The following SNTG1 variants were observed in gnomAD, a reference collection of about 807,000 sequenced individuals.
SNTG1 encodes the protein syntrophin gamma 1, also known as gamma-1-syntrophin.
SNTG1 carries 39 observed loss-of-function variants against 74.7 expected under a neutral mutation model. The observed-to-expected ratio is 0.52, with a 90% CI of 0.40 to 0.68. The LOEUF (loss-of-function observed/expected upper bound fraction) is 0.68, where lower values mean the gene tolerates loss of function less well. SNTG1 is among the 30% of genes least tolerant of loss of function. SNTG1 has a pLI of 0.00. For missense variants in SNTG1, 685 were observed against 609.5 expected (o/e 1.12, Z -1.30); for synonymous variants, 254 against 217.1 (o/e 1.17, Z -1.49).
intron 2 of SNTG1, among the ~76,000 whole-genome samples, chr8:50,222,310 C>T (rs1163957106): frequency 6.6e-6 from 1 of 152,180 alleles, no homozygotes; most frequent in Admixed American, 6.5e-5. Flanking sequence ...GGGCTACTAT[C>T]ATTTAAACTA....
At chr8:50,492,850 G>C (rs1587813290) in intron 8 of SNTG1, among the ~76,000 whole-genome samples, 1 of 152,146 alleles carries the variant, frequency 6.6e-6, no homozygotes, top group East Asian at 1.9e-4. Context: ...TCCTTCTAGA[G>C]TTTTTATGGT....
intron 18 of SNTG1, among the ~76,000 whole-genome samples, chr8:50,753,231 C>G (rs1244280100): frequency 6.6e-6 from 1 of 151,952 alleles, no homozygotes; most frequent in Non-Finnish European, 1.5e-5. Context: ...GCTACTGCTC[C>G]TCTTCTCCCA....
At chr8:50,195,929 C>T (rs1192116390) in intron 2 of SNTG1, among the ~76,000 whole-genome samples, 3 of 152,214 alleles carry the variant, frequency 2.0e-5, no homozygotes, top group Admixed American at 6.5e-5. Flanking sequence ...TGCAACTAGT[C>T]CTGCCTCCGG....
In SNTG1 at chr8:50,054,468, G is replaced by A. The variant is rs77080045; in HGVS notation, c.-102-118093G>A. Among the ~76,000 whole-genome samples, 782 of 151,972 alleles carry A rather than the reference G, an allele frequency of 5.1e-3. 15 individuals are homozygous for A. The highest frequency in any genetic ancestry group is 0.018 in the African/African-American group (758 of 41,456). On this transcript the variant is annotated intron_variant, in intron 1 of 18. Coordinates refer to ENST00000642720, the MANE Select transcript of SNTG1 (RefSeq NM_018967.5). ...ATCTGTTACTGCTATCCTTGGCCAAGGTATCATCTTTTCATACTTATATTA... is the reference window on the plus strand; with the variant it reads ...ATCTGTTACTGCTATCCTTGGCCAAAGTATCATCTTTTCATACTTATATTA...
chr8:50,776,849 C>T (rs534505612), intron 18 of SNTG1, among the ~76,000 whole-genome samples: 5 of 151,874 alleles, frequency 3.3e-5, no homozygotes, highest in Admixed American at 1.3e-4. Flanking sequence ...CACTATTTTG[C>T]TGGATATAGG....
rs1014937425 is a variant in SNTG1 at position 50,402,478 on chromosome 8, A to T, written c.162+134A>T. 4 of 1,093,182 alleles carry T rather than the reference A, an allele frequency of 3.7e-6. No homozygotes were observed. The African/African-American group carries it at 6.4e-5, about 17-fold the overall frequency. The allele number at this position is 1,093,182 out of a possible 1,614,324, so 67.7% of individuals were successfully genotyped here. ...GGTTCTGCATGGAATTTTTGCTTAC[A>T]TCATTAAGTAATCAGCGGCCCTGTA... On this transcript the variant is annotated intron_variant, in intron 4 of 18. Coordinates refer to ENST00000642720, the MANE Select transcript of SNTG1 (RefSeq NM_018967.5).
intron 1 of SNTG1, among the ~76,000 whole-genome samples, chr8:50,053,525 A>C (rs1271589721): frequency 6.6e-6 from 1 of 151,926 alleles, no homozygotes; most frequent in African/African-American, 2.4e-5. Flanking sequence ...GAATATAATA[A>C]ACGTCACTGA....
chr8:50,124,689 C>A (rs867195263), intron 1 of SNTG1, among the ~76,000 whole-genome samples: 1 of 140,906 alleles, frequency 7.1e-6, no homozygotes, highest in Non-Finnish European at 1.6e-5. Context: ...GAAAATGATC[C>A]TGTTCCCATG....
At chr8:50,156,947 T>C (rs1219482814) in intron 1 of SNTG1, among the ~76,000 whole-genome samples, 1 of 152,090 alleles carries the variant, frequency 6.6e-6, no homozygotes, top group East Asian at 1.9e-4. Context: ...GTGCTTCCAT[T>C]TCCAAGAGGA....
chr8:50,789,151 C>A (rs2095684229), intron 18 of SNTG1, among the ~76,000 whole-genome samples: 1 of 151,632 alleles, frequency 6.6e-6, no homozygotes, highest in African/African-American at 2.4e-5. Flanking sequence ...TGCAGGCTCT[C>A]ATGAAGCCAT....
chr8:49,928,108 A>C (rs1807199462), intron 1 of SNTG1, among the ~76,000 whole-genome samples: 1 of 150,788 alleles, frequency 6.6e-6, no homozygotes, highest in Non-Finnish European at 1.5e-5. Context: ...CAGCCTGGGC[A>C]ACAGAGTGAG....
At chr8:49,930,934 A>G (rs547060290) in intron 1 of SNTG1, among the ~76,000 whole-genome samples, 8 of 152,320 alleles carry the variant, frequency 5.3e-5, no homozygotes, top group African/African-American at 7.2e-5. Flanking sequence ...TGATACATAT[A>G]AAATAGACAC....
At chr8:50,668,675 G>C (rs2095262756) in intron 15 of SNTG1, among the ~76,000 whole-genome samples, 1 of 151,720 alleles carries the variant, frequency 6.6e-6, no homozygotes, top group Non-Finnish European at 1.5e-5. Flanking sequence ...AACAGGCCCT[G>C]ATGTGTGTTG....
intron 2 of SNTG1, among the ~76,000 whole-genome samples, chr8:50,231,569 T>G (rs2085629009): frequency 6.6e-6 from 1 of 151,378 alleles, no homozygotes; most frequent in South Asian, 2.1e-4. Flanking sequence ...GAAGTTCTGT[T>G]GTTTGTGACA....
At chr8:50,346,880 T>G (rs181213014) in intron 2 of SNTG1, among the ~76,000 whole-genome samples, 19 of 152,310 alleles carry the variant, frequency 1.2e-4, no homozygotes, top group African/African-American at 4.3e-4. Context: ...GAGAGAGGTA[T>G]GGAAGCTGCA....
chr8:50,051,487 A>G (rs545339350), intron 1 of SNTG1, among the ~76,000 whole-genome samples: 64 of 152,274 alleles, frequency 4.2e-4, no homozygotes, highest in African/African-American at 1.4e-3. Flanking sequence ...TAGGGCTGCC[A>G]TATTAAAGTG....
At chr8:50,695,568 G>T (rs1013463553) in intron 15 of SNTG1, among the ~76,000 whole-genome samples, 12 of 151,522 alleles carry the variant, frequency 7.9e-5, no homozygotes, top group African/African-American at 2.9e-4. Flanking sequence ...TGAAGTGTGA[G>T]CTTCTAGTGC....
At chr8:49,913,804 A>G (rs1407153247) in intron 1 of SNTG1, among the ~76,000 whole-genome samples, 1 of 152,214 alleles carries the variant, frequency 6.6e-6, no homozygotes, top group African/African-American at 2.4e-5. Context: ...TTGGCTGTCA[A>G]TTAATTAACA....
intron 1 of SNTG1, among the ~76,000 whole-genome samples, chr8:50,038,637 C>T (rs1190778054): frequency 1.3e-5 from 2 of 152,130 alleles, no homozygotes; most frequent in Admixed American, 6.5e-5. Context: ...AAATTCATCA[C>T]TCTGATTTCA....
Sources: gnomAD v4.1 joint callset for allele counts (sites outside exome capture counted in the v4.1 genomes callset) on GRCh38, gnomAD v4.1.1 for gene constraint, MANE v1.5 for transcripts, NCBI Gene and HGNC (gene_info 2026-07-23, HGNC 2026-07-21) for gene names.